Variants in DPYSL5 observed in about 807,000 individuals in gnomAD.
The protein encoded by DPYSL5 is dihydropyrimidinase like 5.
Under a neutral mutation model 58.4 loss-of-function variants are expected in DPYSL5, and 9 were observed. The observed-to-expected ratio is 0.15, with a 90% CI of 0.09 to 0.27. The LOEUF is 0.27. DPYSL5 is among the 10% of genes least tolerant of loss of function. The pLI, the probability that DPYSL5 is intolerant of heterozygous loss-of-function variation, is 1.00. For synonymous variants in DPYSL5, 293 were observed against 301.9 expected, an observed-to-expected ratio of 0.97 and a Z score of 0.31; for missense variants, 499 against 770.6, an observed-to-expected ratio of 0.65 and a Z score of 4.17.
At chr2:26,940,627 T>A (rs1262819567) in intron 9 of DPYSL5, among the ~76,000 whole-genome samples, 1 of 151,854 alleles carries the variant, frequency 6.6e-6, no homozygotes, top group Non-Finnish European at 1.5e-5. Flanking sequence ...CACACCCAGC[T>A]ATACATTATT....
At position 26,877,425 on chromosome 2, in the gene DPYSL5, G is replaced by A. The variant is rs1316791185; in HGVS notation, c.-4-21071G>A. On this transcript the variant is annotated intron_variant, in intron 1 of 12. Transcript: ENST00000288699. The surrounding 1 kb of genome is among the most constrained non-coding windows in gnomAD (Gnocchi z 4.1). ...AATACATGTAACTCATGGATGCAGG[G>A]GACGCACATTGTCTGCATTCCTGTT... Among the ~76,000 whole-genome samples the A allele has an allele frequency of 8.5e-5, 13 of 152,130 alleles. 1 individual carries two copies. The South Asian group carries it at 2.7e-3, about 32-fold the overall frequency.
Position 26,877,476 on chromosome 2 carries a change from C to G in DPYSL5, c.-4-21020C>G, listed in dbSNP as rs1012164366. Among the ~76,000 whole-genome samples the G allele has an allele frequency of 6.6e-6, 1 of 152,130 alleles. No individual in the cohort carries two copies. Among genetic ancestry groups the G allele is most frequent in the African/African-American group, 2.4e-5 (1 of 41,422 alleles). On this transcript the variant is annotated intron_variant, in intron 1 of 12. Coordinates refer to ENST00000288699, the MANE Select transcript of DPYSL5 (RefSeq NM_020134.4). The surrounding 1 kb of genome is among the most constrained non-coding windows in gnomAD (Gnocchi z 4.1). ...TTCTGTGCCTACTACATGTGCTCCACCCCACACCTGCTGAGTACATGCTGG... is the reference window on the plus strand; with the variant it reads ...TTCTGTGCCTACTACATGTGCTCCAGCCCACACCTGCTGAGTACATGCTGG...
In DPYSL5 at chr2:26,877,156, G is replaced by A. The variant is rs1205092695; in HGVS notation, c.-4-21340G>A. On this transcript the variant is annotated intron_variant, in intron 1 of 12. Coordinates refer to ENST00000288699, the MANE Select transcript of DPYSL5 (RefSeq NM_020134.4). This position sits in a 1 kb window ranked among gnomAD's most constrained non-coding sequence, Gnocchi z 4.1. ...TAATTTTTGTATTTTTAGTAGAAAC[G>A]GGGTTTCACCATGTTGGCCAGGCTG... is the stretch of plus-strand genomic sequence containing the variant. Among the ~76,000 whole-genome samples the A allele has an allele frequency of 4.0e-5, 6 of 150,396 alleles. No homozygotes were observed. The highest frequency in any genetic ancestry group is 7.3e-5 in the African/African-American group (3 of 40,928).
At chr2:26,932,209 A>AAGG (rs1665047895) in intron 6 of DPYSL5, among the ~76,000 whole-genome samples, 1 of 18,364 alleles carries the variant, frequency 5.4e-5, no homozygotes, top group Non-Finnish European at 1.3e-4. Flanking sequence ...GAAAGAAAGA[A>AAGG]AAGAAAGAAA....
chr2:26,927,469 C>A lies in DPYSL5; in HGVS notation c.600+37C>A. ...GCCAAGAATATTGGATGGAGGGACA[C>A]CAGTGGAGACAGTTAGTTCTCAGGG... On this transcript the variant is annotated intron_variant, in intron 4 of 12. Transcript: ENST00000288699. This position sits in a 1 kb window ranked among gnomAD's most constrained non-coding sequence, Gnocchi z 4.3. 1 of 1,602,968 alleles carries A rather than the reference C, an allele frequency of 6.2e-7. No homozygotes were observed. The highest frequency in any genetic ancestry group is 8.5e-7 in the Non-Finnish European group (1 of 1,173,934).
intron 1 of DPYSL5, among the ~76,000 whole-genome samples, chr2:26,882,908 T>TAAA (rs74378520): frequency 2.2e-3 from 216 of 100,110 alleles, no homozygotes; most frequent in African/African-American, 7.8e-3. Flanking sequence ...GAGACTATCT[T>TAAA]AAAAAAAAAA....
intron 2 of DPYSL5, among the ~76,000 whole-genome samples, chr2:26,900,077 C>T (rs1664117648): frequency 6.6e-6 from 1 of 152,104 alleles, no homozygotes; most frequent in Non-Finnish European, 1.5e-5. Flanking sequence ...TGAAGTATAC[C>T]ATATATACAG....
Position 26,898,893 on chromosome 2 carries a change from C to A in DPYSL5, c.261+133C>A. 1 of 1,110,412 alleles carries A rather than the reference C, an allele frequency of 9.0e-7. No individual in the cohort carries two copies. The highest frequency in any genetic ancestry group is 1.3e-6 in the Non-Finnish European group (1 of 788,876). The allele number at this position is 1,110,412 out of a possible 1,614,324, so 68.8% of individuals were successfully genotyped here. On this transcript the variant is annotated intron_variant, in intron 2 of 12. Transcript: ENST00000288699. This position sits in a 1 kb window ranked among gnomAD's most constrained non-coding sequence, Gnocchi z 6.1. ...TGGCAGGAGAAGGGTGTGTCAGGGC[C>A]ACTGTGGCAACTACAATAGGGATTT...
At chr2:26,909,881 G>T (rs902600841) in intron 2 of DPYSL5, among the ~76,000 whole-genome samples, 1 of 151,974 alleles carries the variant, frequency 6.6e-6, no homozygotes, top group Middle Eastern at 3.4e-3. Flanking sequence ...AAAAAAAAAG[G>T]TATAATTAAT....
rs1334700382 is a variant in DPYSL5 at position 26,849,409 on chromosome 2, G to A, written c.-5+1155G>A. On this transcript the variant is annotated intron_variant, in intron 1 of 12. Transcript: ENST00000288699. This position sits in a 1 kb window ranked among gnomAD's most constrained non-coding sequence, Gnocchi z 6.2. ...GAGGATCCTCAGCTCCAGGCGCGGG[G>A]CCCCGCGGCCCAGGTGGCCGGCTGG... Among the ~76,000 whole-genome samples, 4 of 151,948 alleles carry A rather than the reference G, an allele frequency of 2.6e-5. No individual in the cohort carries two copies. The East Asian group carries it at 7.8e-4, about 30-fold the overall frequency.
At chr2:26,850,904 G>C (rs1003451691) in intron 1 of DPYSL5, among the ~76,000 whole-genome samples, 1 of 152,126 alleles carries the variant, frequency 6.6e-6, no homozygotes, top group African/African-American at 2.4e-5. Context: ...GGACTAGCTG[G>C]AACATTGCTC....
At chr2:26,861,325 C>T (rs1666008186) in intron 1 of DPYSL5, among the ~76,000 whole-genome samples, 1 of 152,176 alleles carries the variant, frequency 6.6e-6, no homozygotes, top group Non-Finnish European at 1.5e-5. Flanking sequence ...CTGTAGGACA[C>T]AGAAGATGAG....
Position 26,924,777 on chromosome 2 carries a change from T to C in DPYSL5, c.262-110T>C, listed in dbSNP as rs573892095. ...CGCTGCCCTTGGTCCTCACAGCCTCTTGTGAGGCAGGGCCTGTCTTTGAAT... is the reference window on the plus strand; with the variant it reads ...CGCTGCCCTTGGTCCTCACAGCCTCCTGTGAGGCAGGGCCTGTCTTTGAAT... On this transcript the variant is annotated intron_variant, in intron 2 of 12. Transcript: ENST00000288699. The surrounding 1 kb of genome is among the most constrained non-coding windows in gnomAD (Gnocchi z 4.7). 52 of 1,420,636 alleles carry C rather than the reference T, an allele frequency of 3.7e-5. No homozygotes were observed. The African/African-American group carries it at 6.9e-4, about 19-fold the overall frequency. The allele number at this position is 1,420,636 out of a possible 1,614,324, so 88.0% of individuals were successfully genotyped here.
intron 2 of DPYSL5, among the ~76,000 whole-genome samples, chr2:26,906,308 T>C (rs1664288560): frequency 6.6e-6 from 1 of 151,664 alleles, no homozygotes; most frequent in Middle Eastern, 3.4e-3. Flanking sequence ...CTCAGCCTCC[T>C]GAGTAGCTGG....
intron 1 of DPYSL5, among the ~76,000 whole-genome samples, chr2:26,884,520 TCA>T (rs3070961): frequency 0.02 from 2,930 of 145,382 alleles, 67 homozygotes; most frequent in African/African-American, 0.046. Context: ...TTGTCCTATC[TCA>T]CACACACACA....
chr2:26,858,573 A>ATT (rs746187290), intron 1 of DPYSL5, among the ~76,000 whole-genome samples: 6 of 134,752 alleles, frequency 4.5e-5, no homozygotes, highest in African/African-American at 8.2e-5. Context: ...ATAGGATTTA[A>ATT]TTTTTTTTTT....
At chr2:26,867,312 A>G (rs1666167794) in intron 1 of DPYSL5, among the ~76,000 whole-genome samples, 1 of 152,160 alleles carries the variant, frequency 6.6e-6, no homozygotes, top group South Asian at 2.1e-4. Flanking sequence ...CTTATCACTA[A>G]TCTTGGAAGA....
intron 2 of DPYSL5, among the ~76,000 whole-genome samples, chr2:26,906,277 A>G (rs1037663412): frequency 6.8e-6 from 1 of 147,936 alleles, no homozygotes; most frequent in Admixed American, 6.9e-5. Flanking sequence ...TCCACTTCCC[A>G]GGTTCAAGAG....
At chr2:26,938,969 T>C (rs1665250821) in intron 8 of DPYSL5, 1 of 152,340 alleles carries the variant, frequency 6.6e-6, no homozygotes, top group African/African-American at 2.4e-5. Flanking sequence ...TCTGAGCCCT[T>C]GGCCTGCAGA....
Sources: allele counts gnomAD v4.1 joint callset (sites outside exome capture counted in the v4.1 genomes callset), GRCh38; gene constraint gnomAD v4.1.1; non-coding constraint Gnocchi (gnomAD v3.1); transcripts MANE v1.5; gene names NCBI Gene and HGNC (gene_info 2026-07-23, HGNC 2026-07-21).